IGSF21: variants seen among roughly 807,000 people sequenced by gnomAD.
IGSF21 encodes the protein immunoglobin superfamily member 21.
Under a neutral mutation model 46.8 loss-of-function variants are expected in IGSF21, and 28 were observed. That is an observed-to-expected ratio of 0.60 (90% CI 0.44 to 0.82). The LOEUF is 0.82. IGSF21 is among the 40% of genes least tolerant of loss of function. The pLI, the probability that IGSF21 is intolerant of heterozygous loss-of-function variation, is 0.00. For missense variants in IGSF21, 624 were observed against 665.5 expected (o/e 0.94, Z 0.69); for synonymous variants, 284 against 273.6 (o/e 1.04, Z -0.38).
chr1:18,112,800 A>G (rs932299677), intron 1 of IGSF21: 1 of 152,288 alleles, frequency 6.6e-6, no homozygotes, highest in Non-Finnish European at 1.5e-5. Flanking sequence ...AGCTATTGCC[A>G]TCACCAAGAG....
chr1:18,303,650 T>G (rs963121609), intron 3 of IGSF21, among the ~76,000 whole-genome samples: 1 of 152,206 alleles, frequency 6.6e-6, no homozygotes, highest in Non-Finnish European at 1.5e-5. Flanking sequence ...TTGACTTAAT[T>G]ATTCATTCGT....
At position 18,365,564 on chromosome 1, in the gene IGSF21, C is replaced by G. The variant is rs2086155559; in HGVS notation, c.882C>G (p.Ser294Arg). The change falls in exon 6 of 10, where the codon AGC becomes AGG. Residue 294 changes from serine to arginine, a missense_variant. By Grantham distance (110) the Ser-to-Arg change is moderately radical (BLOSUM62 -1). Coordinates refer to ENST00000251296, the MANE Select transcript of IGSF21 (RefSeq NM_032880.5). This position sits in a 1 kb window ranked among gnomAD's most constrained non-coding sequence, Gnocchi z 4.8. The stretch of plus-strand genomic sequence containing the variant: ...TCCTGCGCCACAGCCGCACCCCGAG[C>G]AGTGACGGCACTGTGGAAGTACGTG... ...TYFLRHSRTPSSDGTVEVRAL... is the reference protein window; with the variant it reads ...TYFLRHSRTPRSDGTVEVRAL... 1.9e-6 allele frequency: 3 copies of G among 1,614,086 alleles called. No homozygotes were observed. The highest frequency in any genetic ancestry group is 2.5e-6 in the Non-Finnish European group (3 of 1,180,050).
At chr1:18,199,899 C>T (rs12095725) in intron 1 of IGSF21, among the ~76,000 whole-genome samples, 1 of 146,950 alleles carries the variant, frequency 6.8e-6, no homozygotes, top group Admixed American at 6.8e-5. Flanking sequence ...CCGGCCCCCC[C>T]CTACCCCCGT....
chr1:18,278,910 T>C lies in IGSF21; in HGVS notation c.184-12956T>C, dbSNP rs2085131331. 6.4e-6 allele frequency: 3 copies of C among 471,398 alleles called. No individual in the cohort carries two copies. The Admixed American group carries it at 7.1e-5, about 11-fold the overall frequency. The allele number at this position is 471,398 out of a possible 1,614,324, so 29.2% of individuals were successfully genotyped here. ...GTAATGGGTATATGGGTGTTTGCCT[T>C]AAAGATTTTTACACTTTCCTGCATG... On this transcript the variant is annotated intron_variant, in intron 2 of 9. Coordinates refer to ENST00000251296, the MANE Select transcript of IGSF21 (RefSeq NM_032880.5).
chr1:18,127,006 T>C (rs1039889431), intron 1 of IGSF21, among the ~76,000 whole-genome samples: 5 of 152,150 alleles, frequency 3.3e-5, no homozygotes, highest in African/African-American at 9.6e-5. Flanking sequence ...CCTCCCCACG[T>C]ACCCCATGCA....
intron 1 of IGSF21, chr1:18,113,851 C>A (rs2086164077): frequency 6.6e-6 from 1 of 152,140 alleles, no homozygotes. Context: ...GCATTACAAG[C>A]AGAGCTCTTA....
rs1365073297 is a variant in IGSF21, at chr1:18,337,579, C to T, written c.424+2569C>T. Among the ~76,000 whole-genome samples, 2 of 152,254 alleles carry T rather than the reference C, an allele frequency of 1.3e-5. No individual in the cohort carries two copies. Among genetic ancestry groups the T allele is most frequent in the East Asian group, 3.9e-4 (2 of 5,152 alleles). ...ACTGCTCTGGGAACACAGCTTCACG[C>T]ACCGTGGCAACCTGGAAGCCAGGGT... On this transcript the variant is annotated intron_variant, in intron 4 of 9. Coordinates refer to ENST00000251296, the MANE Select transcript of IGSF21 (RefSeq NM_032880.5). This position sits in a 1 kb window ranked among gnomAD's most constrained non-coding sequence, Gnocchi z 5.7.
intron 1 of IGSF21, among the ~76,000 whole-genome samples, chr1:18,160,124 G>A (rs1026340433): frequency 6.6e-6 from 1 of 152,136 alleles, no homozygotes; most frequent in Admixed American, 6.6e-5. Context: ...GGTGATCTTT[G>A]GGCAGGGCCA....
intron 2 of IGSF21, among the ~76,000 whole-genome samples, chr1:18,251,975 G>T (rs2084845792): frequency 6.7e-6 from 1 of 149,520 alleles, no homozygotes; most frequent in Non-Finnish European, 1.5e-5. Context: ...ACAAGATGAA[G>T]TCATATTTGC....
chr1:18,237,509 T>TC (rs1367296993), intron 2 of IGSF21, among the ~76,000 whole-genome samples: 2 of 152,258 alleles, frequency 1.3e-5, no homozygotes, highest in South Asian at 2.1e-4. Context: ...GCTGCTTCTG[T>TC]CCCCCGTGGC....
chr1:18,114,781 C>G (rs2086174206), intron 1 of IGSF21: 1 of 152,246 alleles, frequency 6.6e-6, no homozygotes, highest in Admixed American at 6.5e-5. Context: ...TAGGCAGTGG[C>G]TGGACTGGAA....
chr1:18,133,474 G>A (rs764320545), intron 1 of IGSF21, among the ~76,000 whole-genome samples: 8 of 152,208 alleles, frequency 5.3e-5, no homozygotes, highest in African/African-American at 9.7e-5. Flanking sequence ...TGACAAATGC[G>A]GCTGTAATTT....
chr1:18,296,568 C>G (rs889017201), intron 3 of IGSF21, among the ~76,000 whole-genome samples: 1 of 152,178 alleles, frequency 6.6e-6, no homozygotes. Context: ...GAGAGGGAAC[C>G]TCTCACGTGA....
chr1:18,342,044 C>T (rs1042545691), intron 4 of IGSF21, among the ~76,000 whole-genome samples: 1 of 105,918 alleles, frequency 9.4e-6, no homozygotes, highest in Non-Finnish European at 1.9e-5. Context: ...GTGCCTGGTG[C>T]ATTTTCCTTG....
intron 2 of IGSF21, among the ~76,000 whole-genome samples, chr1:18,260,321 T>C (rs402642): frequency 0.42 from 63,408 of 152,188 alleles, 14,363 homozygotes; most frequent in African/African-American, 0.6. Context: ...GAGAGCTTTG[T>C]CTTATCTTTG....
intron 1 of IGSF21, among the ~76,000 whole-genome samples, chr1:18,192,726 G>A (rs1347634887): frequency 6.6e-6 from 1 of 152,088 alleles, no homozygotes; most frequent in Non-Finnish European, 1.5e-5. Flanking sequence ...TTATCTTGGT[G>A]GACAATAGCC....
rs77507767 is a variant in IGSF21, at chr1:18,246,185, C to T, written c.183+18175C>T. Among the ~76,000 whole-genome samples the T allele has an allele frequency of 6.7e-3, 1,013 of 152,208 alleles. 11 individuals are homozygous for T. The highest frequency in any genetic ancestry group is 0.022 in the African/African-American group (935 of 41,566). ...GATGGCATGGCAGCATGCTGCCATC[C>T]CAGGCCCTCCCTGAGTCTGTGAATG... is the stretch of plus-strand genomic sequence containing the variant. On this transcript the variant is annotated intron_variant, in intron 2 of 9. Coordinates refer to ENST00000251296, the MANE Select transcript of IGSF21 (RefSeq NM_032880.5).
At chr1:18,310,458 C>T (rs2085478173) in intron 3 of IGSF21, among the ~76,000 whole-genome samples, 1 of 152,334 alleles carries the variant, frequency 6.6e-6, no homozygotes, top group Non-Finnish European at 1.5e-5. Context: ...CGTAGTACTC[C>T]ACTGCGTGGA....
chr1:18,281,213 G>GAACAGGTGAGT (rs2085156688), intron 2 of IGSF21, among the ~76,000 whole-genome samples: 1 of 152,170 alleles, frequency 6.6e-6, no homozygotes, highest in African/African-American at 2.4e-5. Context: ...GTGAAAGAAT[G>GAACAGGTGAGT]GGAAGCTGAG....
Sources: gnomAD v4.1 joint callset for allele counts (sites outside exome capture counted in the v4.1 genomes callset) on GRCh38, gnomAD v4.1.1 for gene constraint, Gnocchi (gnomAD v3.1) non-coding constraint, MANE v1.5 for transcripts, NCBI Gene and HGNC (gene_info 2026-07-23, HGNC 2026-07-21) for gene names.